The following TRAPPC9 variants were observed in gnomAD, a reference collection of about 807,000 sequenced individuals.
TRAPPC9 encodes IKK2 binding protein.
TRAPPC9 carries 83 observed loss-of-function variants against 124.0 expected under a neutral mutation model. The ratio of observed to expected loss-of-function variants is 0.67; its 90% confidence interval spans 0.56 to 0.80. The LOEUF (loss-of-function observed/expected upper bound fraction) is 0.80, where lower values mean the gene tolerates loss of function less well. Ranked by LOEUF, TRAPPC9 falls within the 30% of genes least tolerant of loss-of-function variation. The probability of loss-of-function intolerance (pLI) is 0.00; values close to 1 mark genes in which losing one functional copy is unlikely to be tolerated. For synonymous variants in TRAPPC9, 638 were observed against 617.5 expected (o/e 1.03, Z -0.49); for missense variants, 1,302 against 1,508.3 (o/e 0.86, Z 2.27).
chr8:140,389,842 CAAAAA>C (rs397971049), intron 7 of TRAPPC9, among the ~76,000 whole-genome samples: 1 of 92,574 alleles, frequency 1.1e-5, no homozygotes, highest in Admixed American at 1.1e-4. Flanking sequence ...CAACAATAAC[CAAAAA>C]AAAAAAAAAA....
intron 17 of TRAPPC9, among the ~76,000 whole-genome samples, chr8:140,037,539 C>T (rs182894550): frequency 5.9e-5 from 9 of 151,918 alleles, no homozygotes; most frequent in Admixed American, 3.9e-4. Context: ...ACATCGGACC[C>T]CTACTGCTCC....
intron 21 of TRAPPC9, among the ~76,000 whole-genome samples, chr8:139,755,223 G>A (rs1039681005): frequency 2.0e-5 from 3 of 152,260 alleles, no homozygotes; most frequent in Admixed American, 1.3e-4. Context: ...GTGAACCTAG[G>A]AGCATGCAGG....
intron 17 of TRAPPC9, among the ~76,000 whole-genome samples, chr8:140,151,052 G>A (rs1194868461): frequency 1.3e-5 from 2 of 152,140 alleles, no homozygotes; most frequent in African/African-American, 4.8e-5. Context: ...CCCACATTTA[G>A]GTTCAAAAAA....
chr8:139,898,590 C>A lies in TRAPPC9; in HGVS notation c.2964+11557G>T, dbSNP rs142651403. Among the ~76,000 whole-genome samples, 459 of 152,242 alleles carry A rather than the reference C, an allele frequency of 3.0e-3. 3 individuals are homozygous for A. The highest frequency in any genetic ancestry group is 0.014 in the Middle Eastern group (4 of 294). On this transcript the variant is annotated intron_variant, in intron 20 of 22. Coordinates refer to ENST00000438773, the MANE Select transcript of TRAPPC9 (RefSeq NM_001160372.4). ...AGGAAGCCACGCTTCCTCGGAGCAG[C>A]GGTCTTATGTGTGTGTTCAGCCCAC...
intron 2 of TRAPPC9, among the ~76,000 whole-genome samples, chr8:140,442,042 A>G (rs1011418128): frequency 2.6e-5 from 4 of 152,216 alleles, no homozygotes; most frequent in Non-Finnish European, 5.9e-5. Flanking sequence ...CCTTAAAAAA[A>G]GAAAGGAGTA....
intron 5 of TRAPPC9, among the ~76,000 whole-genome samples, chr8:140,407,623 A>G (rs1288590879): frequency 2.6e-5 from 4 of 152,104 alleles, no homozygotes; most frequent in Admixed American, 1.3e-4. Flanking sequence ...TTTCTTTGAA[A>G]CAGAGTCTCT....
intron 21 of TRAPPC9, among the ~76,000 whole-genome samples, chr8:139,875,863 T>C (rs1587067094): frequency 6.6e-6 from 1 of 152,226 alleles, no homozygotes; most frequent in Admixed American, 6.5e-5. Flanking sequence ...TGTTTGGAGA[T>C]GTGGGCTGTG....
intron 21 of TRAPPC9, among the ~76,000 whole-genome samples, chr8:139,829,202 C>T (rs373374956): frequency 2.0e-5 from 3 of 152,240 alleles, no homozygotes; most frequent in African/African-American, 7.2e-5. Flanking sequence ...GACGCCCTTC[C>T]GGAGGGTATA....
intron 17 of TRAPPC9, among the ~76,000 whole-genome samples, chr8:140,157,902 T>C (rs572961579): frequency 1.3e-5 from 2 of 152,322 alleles, no homozygotes; most frequent in African/African-American, 4.8e-5. Flanking sequence ...CAGGATCATA[T>C]CATTCACACT....
At chr8:140,023,226 C>T (rs1240284251) in intron 18 of TRAPPC9, among the ~76,000 whole-genome samples, 1 of 152,202 alleles carries the variant, frequency 6.6e-6, no homozygotes, top group Admixed American at 6.5e-5. Flanking sequence ...AGAGGGTCCC[C>T]AGCTGGCAGG....
intron 21 of TRAPPC9, among the ~76,000 whole-genome samples, chr8:139,882,716 A>G (rs1829752511): frequency 6.6e-6 from 1 of 152,180 alleles, no homozygotes; most frequent in Non-Finnish European, 1.5e-5. Context: ...GCATGGTAGC[A>G]GGGGCTGCAC....
chr8:140,055,925 C>T (rs1283476696), intron 17 of TRAPPC9, among the ~76,000 whole-genome samples: 1 of 152,020 alleles, frequency 6.6e-6, no homozygotes, highest in Non-Finnish European at 1.5e-5. Flanking sequence ...AGCTATACTA[C>T]TCAAAGCAAT....
intron 19 of TRAPPC9, among the ~76,000 whole-genome samples, chr8:139,982,042 T>A (rs964650088): frequency 6.6e-6 from 1 of 152,210 alleles, no homozygotes; most frequent in African/African-American, 2.4e-5. Flanking sequence ...ATAAAGAGGT[T>A]TATGCATACA....
In TRAPPC9 at chr8:139,732,001, G is replaced by A. The variant is rs369924557; in HGVS notation, c.3257C>T (p.Ser1086Phe). 8.2e-6 allele frequency: 13 copies of A among 1,591,246 alleles called. No individual in the cohort carries two copies. The highest frequency in any genetic ancestry group is 1.1e-5 in the Non-Finnish European group (13 of 1,168,564). ...DLHDTVSFVG[S>F]STFYLDAVQP... Reference sequence around the variant, plus strand: ...CACCGCGTCGAGGTAGAAGGTGCTGGAGCCCACGAAGGAGACGGTGTCGTG... The same window carrying A: ...CACCGCGTCGAGGTAGAAGGTGCTGAAGCCCACGAAGGAGACGGTGTCGTG... The change falls in exon 22 of 23, where the codon TCC (serine) becomes TTC (phenylalanine). Residue 1086 changes from serine to phenylalanine, a missense_variant. By Grantham distance (155) the Ser-to-Phe change is radical. Transcript: ENST00000438773.
At chr8:140,137,474 G>C (rs147933270) in intron 17 of TRAPPC9, among the ~76,000 whole-genome samples, 1 of 152,076 alleles carries the variant, frequency 6.6e-6, no homozygotes, top group Non-Finnish European at 1.5e-5. Flanking sequence ...AGCTTTCCAC[G>C]GCAGATAACA....
At position 140,300,488 on chromosome 8, in the gene TRAPPC9, T is replaced by C; in HGVS notation, c.1749A>G (p.Glu583=). 6.2e-7 allele frequency: 1 copy of C among 1,614,242 alleles called. No individual in the cohort carries two copies. The highest frequency in any genetic ancestry group is 8.5e-7 in the Non-Finnish European group (1 of 1,180,042). The change falls in exon 11 of 23, where the codon GAA becomes GAG. Residue 583 remains glutamate, a synonymous_variant. Coordinates refer to ENST00000438773, the MANE Select transcript of TRAPPC9 (RefSeq NM_001160372.4). The part of the protein sequence containing the change: ...YSPIIAHNRG[E]ERNKKIDFQW... ...TCCTACCTATTTTCTTGTTCCGCTC[T>C]TCTCCACGGTTGTGTGCGATAATTG...
chr8:140,224,063 G>A (rs10448121), intron 16 of TRAPPC9, among the ~76,000 whole-genome samples: 98,675 of 152,040 alleles, frequency 0.65, 32,629 homozygotes, highest in Admixed American at 0.73. Context: ...CTGTGATCAA[G>A]CACTTAAGAG....
intron 19 of TRAPPC9, among the ~76,000 whole-genome samples, chr8:139,987,208 C>T (rs112574160): frequency 0.049 from 7,426 of 152,242 alleles, 219 homozygotes; most frequent in African/African-American, 0.079. Flanking sequence ...CTGGCTAGAA[C>T]GTTGTATAGG....
intron 9 of TRAPPC9, among the ~76,000 whole-genome samples, chr8:140,317,958 G>A (rs2066483986): frequency 6.6e-6 from 1 of 152,064 alleles, no homozygotes; most frequent in Non-Finnish European, 1.5e-5. Flanking sequence ...TTTGATTATG[G>A]ATTGGTATCA....
Sources: gnomAD v4.1 joint callset for allele counts (sites outside exome capture counted in the v4.1 genomes callset) on GRCh38, gnomAD v4.1.1 for gene constraint, MANE v1.5 for transcripts, NCBI Gene and HGNC (gene_info 2026-07-23, HGNC 2026-07-21) for gene names.